CSMD2: variants seen among roughly 807,000 people sequenced by gnomAD.
CSMD2 encodes CUB and sushi domain-containing protein 2.
Under a neutral mutation model 398.5 loss-of-function variants are expected in CSMD2, and 130 were observed. The ratio of observed to expected loss-of-function variants is 0.33; its 90% CI spans 0.28 to 0.38. CSMD2 has a LOEUF of 0.38. CSMD2 is among the 10% of genes least tolerant of loss of function. CSMD2 has a pLI of 1.00. For missense variants in CSMD2, 3,829 were observed against 4,764.9 expected (o/e 0.80, Z 5.78); for synonymous variants, 1,828 against 1,908.5 (o/e 0.96, Z 1.10).
rs554751753 is a variant in CSMD2 at position 34,134,198 on chromosome 1, G to C, written c.187+30713C>G. ...TGCCTCCATCACATTAGAAACATCT[G>C]TTTGCCTGACAACAGCCAACACTCT... On this transcript the variant is annotated intron_variant, in intron 1 of 70. Transcript: ENST00000373381. 1.5e-3 allele frequency among the ~76,000 whole-genome samples: 235 copies of C among 151,940 alleles called. 1 individual carries two copies. The highest frequency in any genetic ancestry group is 5.3e-3 in the African/African-American group (220 of 41,404).
chr1:33,696,900 A>C (rs1645437072), intron 24 of CSMD2, among the ~76,000 whole-genome samples: 5 of 152,108 alleles, frequency 3.3e-5, no homozygotes, highest in African/African-American at 1.2e-4. Context: ...AAACATTTGG[A>C]TGTTTTAAGC....
chr1:33,605,560 G>A, intron 41 of CSMD2, 90 bp from the exon 42 acceptor site: 1 of 1,258,740 alleles, frequency 7.9e-7, no homozygotes, highest in Non-Finnish European at 1.1e-6. Flanking sequence ...CTCAAGATTT[G>A]GACTCAGATG....
intron 25 of CSMD2, among the ~76,000 whole-genome samples, chr1:33,678,117 A>C (rs951953867): frequency 6.6e-6 from 1 of 151,582 alleles, no homozygotes; most frequent in Non-Finnish European, 1.5e-5. Context: ...ATAATAATAA[A>C]ATTAAAAAAA....
chr1:33,732,611 C>A (rs1473431739), intron 15 of CSMD2, among the ~76,000 whole-genome samples: 1 of 152,148 alleles, frequency 6.6e-6, no homozygotes, highest in Non-Finnish European at 1.5e-5. Context: ...AGCTTTCAGA[C>A]CTGTGAGAAA....
intron 3 of CSMD2, among the ~76,000 whole-genome samples, chr1:33,984,085 C>A (rs188414984): frequency 1.3e-3 from 194 of 152,000 alleles, no homozygotes; most frequent in African/African-American, 4.4e-3. Flanking sequence ...ACCCTGGAGG[C>A]GGAGCTTGCA....
chr1:33,515,513 T>A lies in CSMD2; in HGVS notation c.*1111A>T, dbSNP rs1653685734. 1 of 152,254 alleles carries A rather than the reference T, an allele frequency of 6.6e-6. No homozygotes were observed. The highest frequency in any genetic ancestry group is 2.4e-5 in the African/African-American group (1 of 41,456). The allele number at this position is 152,254 out of a possible 1,614,324, so 9.4% of individuals were successfully genotyped here. A position where few individuals can be genotyped will look rare whatever the true frequency, so the allele number is the denominator to read the frequency against. On this transcript the variant is annotated 3_prime_UTR_variant, in exon 71 of 71. Coordinates refer to ENST00000373381, the MANE Select transcript of CSMD2 (RefSeq NM_001281956.2). ...TGGGGCAGACTGATCTGGGTTTGCA[T>A]TCTGACTCCACACTTCCTAACTCTG...
Position 33,614,599 on chromosome 1 carries a change from T to G in CSMD2, c.6038A>C (p.Glu2013Ala). Residue 2013 changes from glutamate (E) to alanine (A), a missense_variant, in exon 40 of 71, where the codon GAG (glutamate) becomes GCG (alanine). Coordinates refer to ENST00000373381, the MANE Select transcript of CSMD2 (RefSeq NM_001281956.2). Reference sequence around the variant, plus strand: ...GCTCAGGATCACCCCCTCCATCTCCTCCACTGTTCCCCCACACTGTGCTGT... The same window carrying G: ...GCTCAGGATCACCCCCTCCATCTCCGCCACTGTTCCCCCACACTGTGCTGT... The part of the protein sequence containing the change: ...LCIAQCGGTV[E>A]EMEGVILSPG... 1 of 1,608,664 alleles carries G rather than the reference T, an allele frequency of 6.2e-7. No homozygotes were observed. The highest frequency in any genetic ancestry group is 8.5e-7 in the Non-Finnish European group (1 of 1,175,308).
At position 33,625,000 on chromosome 1, in the gene CSMD2, G is replaced by T; in HGVS notation, c.5500+51C>A. On this transcript the variant is annotated intron_variant, in intron 34 of 70. Coordinates refer to ENST00000373381, the MANE Select transcript of CSMD2 (RefSeq NM_001281956.2). The surrounding 1 kb of genome is among the most constrained non-coding windows in gnomAD (Gnocchi z 4.7). The stretch of plus-strand genomic sequence containing the variant: ...GCTGACTGCCTCCCCTACAGAGAAA[G>T]GACTACGTGCCGCCCCCCGCACCCT... 1.3e-6 allele frequency: 2 copies of T among 1,567,958 alleles called. No homozygotes were observed. The highest frequency in any genetic ancestry group is 1.1e-5 in the South Asian group (1 of 89,884).
chr1:33,739,376 A>T, intron 14 of CSMD2, 42 bp from the exon 15 acceptor site: 1 of 1,536,840 alleles, frequency 6.5e-7, no homozygotes, highest in South Asian at 1.2e-5. Context: ...ACATTGCTGG[A>T]GTAGAGAAGA....
chr1:33,905,298 GGACA>G (rs1408495482), intron 5 of CSMD2, among the ~76,000 whole-genome samples: 1 of 152,138 alleles, frequency 6.6e-6, no homozygotes, highest in Non-Finnish European at 1.5e-5. Flanking sequence ...CATAAAGGCT[GGACA>G]GAGAGTGGAC....
chr1:34,117,848 T>C (rs558484208), intron 1 of CSMD2, among the ~76,000 whole-genome samples: 3 of 152,188 alleles, frequency 2.0e-5, no homozygotes, highest in Non-Finnish European at 4.4e-5. Context: ...TAATATCCCA[T>C]GTTAACCACA....
intron 2 of CSMD2, among the ~76,000 whole-genome samples, chr1:34,082,430 C>T (rs1657334368): frequency 6.6e-6 from 1 of 151,728 alleles, no homozygotes; most frequent in South Asian, 2.1e-4. Context: ...GCGCCCCCGC[C>T]TGGCAGCCGC....
At chr1:34,060,825 G>A (rs1654408022) in intron 2 of CSMD2, among the ~76,000 whole-genome samples, 1 of 152,126 alleles carries the variant, frequency 6.6e-6, no homozygotes, top group Non-Finnish European at 1.5e-5. Context: ...GGCTTGGAAA[G>A]CAGTCACTGT....
chr1:33,598,850 T>C (rs151123467), intron 44 of CSMD2: 9,970 of 152,336 alleles, frequency 0.065, 590 homozygotes, highest in East Asian at 0.22. Flanking sequence ...TTTGTATTTT[T>C]AGTAGAGACA....
intron 42 of CSMD2, 78 bp downstream of exon 42, chr1:33,605,204 G>C: frequency 7.5e-7 from 1 of 1,338,862 alleles, no homozygotes; most frequent in Non-Finnish European, 1.0e-6. Flanking sequence ...AGAGCAGGTA[G>C]GTGGAACATG....
At chr1:33,629,769 GTC>G (rs1300412120) in intron 32 of CSMD2, among the ~76,000 whole-genome samples, 1 of 151,212 alleles carries the variant, frequency 6.6e-6, no homozygotes, top group African/African-American at 2.4e-5. Flanking sequence ...TTGAGACGGA[GTC>G]TCTCTCTGTC....
intron 10 of CSMD2, chr1:33,805,038 C>G: frequency 1.6e-6 from 1 of 617,342 alleles, no homozygotes; most frequent in African/African-American, 1.8e-5. Flanking sequence ...TCTTTAGAAA[C>G]TCAGGCTGGT....
chr1:34,153,177 C>T lies in CSMD2; in HGVS notation c.187+11734G>A, dbSNP rs151296025. Among the ~76,000 whole-genome samples the T allele has an allele frequency of 1.5e-4, 23 of 152,200 alleles. No homozygotes were observed. In the East Asian group the frequency reaches 2.1e-3, roughly 14 times the overall value. ...GACTACAGGTGCGCACCAACGTGCC[C>T]GGCTGATTTTTGTATTTTTAGTAGA... is the stretch of plus-strand genomic sequence containing the variant. On this transcript the variant is annotated intron_variant, in intron 1 of 70. Coordinates refer to ENST00000373381, the MANE Select transcript of CSMD2 (RefSeq NM_001281956.2).
intron 10 of CSMD2, among the ~76,000 whole-genome samples, chr1:33,804,576 T>G (rs560697501): frequency 5.3e-5 from 8 of 152,128 alleles, no homozygotes; most frequent in African/African-American, 1.9e-4. Context: ...TCAGACCTGT[T>G]CTTCACTCTT....
Sources: allele counts gnomAD v4.1 joint callset (sites outside exome capture counted in the v4.1 genomes callset), GRCh38; gene constraint gnomAD v4.1.1; non-coding constraint Gnocchi (gnomAD v3.1); transcripts MANE v1.5; gene names NCBI Gene and HGNC (gene_info 2026-07-23, HGNC 2026-07-21).